The following MAP3K19 variants were observed in gnomAD, a reference collection of about 807,000 sequenced individuals.
MAP3K19 encodes mitogen-activated protein kinase kinase kinase 19, also known as SPS1/STE20-related protein kinase YSK4.
Under a neutral mutation model 114.4 loss-of-function variants are expected in MAP3K19, and 91 were observed. That is an observed-to-expected ratio of 0.80 (90% CI 0.67 to 0.95). The LOEUF is 0.95. Ranked by LOEUF, MAP3K19 falls within the 40% of genes least tolerant of loss-of-function variation. MAP3K19 has a pLI of 0.00. For synonymous variants in MAP3K19, 518 were observed against 530.5 expected, an observed-to-expected ratio of 0.98 and a Z score of 0.32; for missense variants, 1,471 against 1,573.2, an observed-to-expected ratio of 0.94 and a Z score of 1.10.
chr2:134,986,868 G>T lies in MAP3K19; in HGVS notation c.2004C>A (p.Thr668=), dbSNP rs779897651. Residue 668 remains threonine, a synonymous_variant, in exon 10 of 13, where the codon ACC becomes ACA. Coordinates refer to ENST00000392915, the MANE Select transcript of MAP3K19 (RefSeq NM_025052.5). ...TCTCTCGCACATGACAATAAACAGGGGTCCCAAACATTTCATAGATTCCAG... is the reference window on the plus strand; with the variant it reads ...TCTCTCGCACATGACAATAAACAGGTGTCCCAAACATTTCATAGATTCCAG... The part of the protein sequence containing the change: ...NGPGIYEMFG[T]PVYCHVRETE... The T allele has an allele frequency of 1.9e-6, 3 of 1,614,012 alleles. No individual in the cohort carries two copies. Among genetic ancestry groups the T allele is most frequent in the Non-Finnish European group, 2.5e-6 (3 of 1,180,012 alleles).
chr2:135,002,927 G>A (rs561759411), intron 6 of MAP3K19, among the ~76,000 whole-genome samples: 16 of 152,222 alleles, frequency 1.1e-4, no homozygotes, highest in South Asian at 1.0e-3. Flanking sequence ...GTCCCCCACC[G>A]CACATTAATA....
In MAP3K19 at chr2:134,968,118, C is replaced by T. The variant is rs557630068; in HGVS notation, c.3921-3202G>A. 4.0e-3 allele frequency among the ~76,000 whole-genome samples: 611 copies of T among 152,024 alleles called. 3 individuals are homozygous for T. Among genetic ancestry groups the T allele is most frequent in the South Asian group, 0.017 (83 of 4,804 alleles). On this transcript the variant is annotated intron_variant, in intron 12 of 12. Transcript: ENST00000392915. ...CAACAAAGCACATCTTGCACCGCCC[C>T]TAATCCATTTAACCCTGAGTGGACA...
intron 5 of MAP3K19, among the ~76,000 whole-genome samples, chr2:135,012,224 G>A (rs983415080): frequency 1.4e-4 from 21 of 151,786 alleles, no homozygotes; most frequent in Admixed American, 1.2e-3. Flanking sequence ...GTTTAGGAGC[G>A]TCCCTGGCTT....
intron 12 of MAP3K19, among the ~76,000 whole-genome samples, chr2:134,969,424 A>G (rs1011294064): frequency 2.0e-5 from 3 of 151,728 alleles, no homozygotes; most frequent in Non-Finnish European, 4.4e-5. Context: ...GTGTGTTTTT[A>G]ATAGTAGTCA....
At chr2:135,022,017 C>T (rs574527928) in intron 4 of MAP3K19, among the ~76,000 whole-genome samples, 187 bp from the exon 5 acceptor site, 3 of 151,142 alleles carry the variant, frequency 2.0e-5, no homozygotes, top group South Asian at 2.2e-4. Flanking sequence ...CAAGAGTCCA[C>T]GGAGTGGATG....
intron 12 of MAP3K19, among the ~76,000 whole-genome samples, chr2:134,975,531 G>A (rs924751987): frequency 2.0e-5 from 3 of 152,132 alleles, no homozygotes; most frequent in Admixed American, 2.0e-4. Context: ...GGCAGGGTGG[G>A]GTGATCCCCA....
chr2:134,969,116 G>T lies in MAP3K19; in HGVS notation c.3921-4200C>A, dbSNP rs188084999. 4.7e-3 allele frequency among the ~76,000 whole-genome samples: 717 copies of T among 152,286 alleles called. 4 individuals carry two copies. The highest frequency in any genetic ancestry group is 0.016 in the African/African-American group (685 of 41,546). On this transcript the variant is annotated intron_variant, in intron 12 of 12. Coordinates refer to ENST00000392915, the MANE Select transcript of MAP3K19 (RefSeq NM_025052.5). ...CAATCCCGGCACCTTGGGAGGCTGAGGCTGGCGGATCACTCGCGGTTAGGA... is the reference window on the plus strand; with the variant it reads ...CAATCCCGGCACCTTGGGAGGCTGATGCTGGCGGATCACTCGCGGTTAGGA...
intron 1 of MAP3K19, among the ~76,000 whole-genome samples, chr2:135,046,364 G>A (rs889121490): frequency 6.6e-6 from 1 of 151,916 alleles, no homozygotes; most frequent in African/African-American, 2.4e-5. Flanking sequence ...TGCAACCTCC[G>A]CCTCCTAGGT....
At chr2:135,044,388 C>T (rs1328769583) in intron 1 of MAP3K19, among the ~76,000 whole-genome samples, 2 of 152,122 alleles carry the variant, frequency 1.3e-5, no homozygotes, top group African/African-American at 2.4e-5. Context: ...GTCAGGAGTT[C>T]GAGACCAACT....
intron 12 of MAP3K19, among the ~76,000 whole-genome samples, chr2:134,969,364 G>C (rs189379074): frequency 6.6e-6 from 1 of 152,138 alleles, no homozygotes; most frequent in East Asian, 1.9e-4. Flanking sequence ...GAGGGAGACC[G>C]TGGGGAGAGG....
At chr2:135,004,473 G>A (rs1424387355) in intron 6 of MAP3K19, among the ~76,000 whole-genome samples, 2 of 152,204 alleles carry the variant, frequency 1.3e-5, no homozygotes, top group East Asian at 1.9e-4. Context: ...CGCTACTCGG[G>A]AGAGCTGCAG....
At chr2:135,017,505 C>T (rs769455517) in intron 5 of MAP3K19, among the ~76,000 whole-genome samples, 1 of 152,146 alleles carries the variant, frequency 6.6e-6, no homozygotes, top group African/African-American at 2.4e-5. Context: ...AATAATCCTC[C>T]ACCAAATCTT....
In MAP3K19 at chr2:134,981,046, T is replaced by C. The variant is rs777151864; in HGVS notation, c.3695A>G (p.Tyr1232Cys). 2.0e-5 allele frequency: 33 copies of C among 1,614,088 alleles called. No individual in the cohort carries two copies. Among genetic ancestry groups the C allele is most frequent in the Non-Finnish European group, 2.6e-5 (31 of 1,180,038 alleles). The stretch of plus-strand genomic sequence containing the variant: ...ATTGATGACTTCTGGGGCCATCCAA[T>C]ATGGAGTCCCATGCATGGACTTAAG... ...DMLKSMHGTPYWMAPEVINES... is the reference protein window; with the variant it reads ...DMLKSMHGTPCWMAPEVINES... The change falls in exon 12 of 13, where the codon TAT becomes TGT. Residue 1232 changes from tyrosine (Y) to cysteine (C), a missense_variant. Physicochemically the swap from Tyr to Cys is radical, Grantham distance 194 (BLOSUM62 -2). Coordinates refer to ENST00000392915, the MANE Select transcript of MAP3K19 (RefSeq NM_025052.5).
At chr2:135,002,415 CTTATT>C (rs10546607) in intron 6 of MAP3K19, among the ~76,000 whole-genome samples, 36,898 of 150,728 alleles carry the variant, frequency 0.24, 5,799 homozygotes, top group African/African-American at 0.42. Flanking sequence ...GTTTGGTCTC[CTTATT>C]TTATTTTATT....
intron 12 of MAP3K19, among the ~76,000 whole-genome samples, chr2:134,968,779 T>C (rs1482613214): frequency 2.0e-5 from 3 of 150,564 alleles, no homozygotes; most frequent in African/African-American, 7.4e-5. Context: ...GCTCCTCACC[T>C]CCTAGATGTG....
At chr2:135,018,364 G>A (rs1687738303) in intron 5 of MAP3K19, among the ~76,000 whole-genome samples, 1 of 150,598 alleles carries the variant, frequency 6.6e-6, no homozygotes, top group Admixed American at 6.6e-5. Flanking sequence ...TTAAGGGATT[G>A]GGCCTCTTGT....
intron 12 of MAP3K19, among the ~76,000 whole-genome samples, chr2:134,969,896 C>A (rs1035387061): frequency 2.6e-5 from 4 of 151,968 alleles, no homozygotes; most frequent in Non-Finnish European, 2.9e-5. Flanking sequence ...GTTCTTGGTC[C>A]CTTTGTCAAA....
chr2:134,989,858 G>T (rs1414514282), intron 9 of MAP3K19, among the ~76,000 whole-genome samples: 1 of 152,066 alleles, frequency 6.6e-6, no homozygotes, highest in African/African-American at 2.4e-5. Context: ...GAGGCAATCG[G>T]ATCACTCAAG....
At chr2:134,992,028 G>A (rs1033330041) in intron 8 of MAP3K19, among the ~76,000 whole-genome samples, 12 of 152,190 alleles carry the variant, frequency 7.9e-5, no homozygotes, top group African/African-American at 2.9e-4. Flanking sequence ...TCCCTCCAGA[G>A]AAGGAGAGAG....
Sources: gnomAD v4.1 joint callset for allele counts (sites outside exome capture counted in the v4.1 genomes callset) on GRCh38, gnomAD v4.1.1 for gene constraint, MANE v1.5 for transcripts, NCBI Gene and HGNC (gene_info 2026-07-23, HGNC 2026-07-21) for gene names.